Variants in DOCK9 observed in about 807,000 individuals in gnomAD.
The protein encoded by DOCK9 is dedicator of cytokinesis protein 9.
A neutral mutation model predicts 263.3 loss-of-function variants in DOCK9; 89 were observed. That is an observed-to-expected ratio of 0.34 (90% CI 0.28 to 0.40). The LOEUF (loss-of-function observed/expected upper bound fraction) is 0.40. Ranked by LOEUF, DOCK9 falls within the 10% of genes least tolerant of loss-of-function variation. The pLI, the probability that DOCK9 is intolerant of heterozygous loss-of-function variation, is 1.00. For missense variants in DOCK9, 2,140 were observed against 2,603.4 expected (o/e 0.82, Z 3.87); for synonymous variants, 976 against 973.1 (o/e 1.00, Z -0.06).
rs200841453 is a variant in DOCK9 at position 99,068,671 on chromosome 13, TA to T, written c.129+17551del. On this transcript the variant is annotated intron_variant, in intron 1 of 32. Transcript: ENST00000427887. ...AGTTAAGCACATACATCCTTCAGTT[TA>T]AAAAAAAAAAATCATTTAACAGCAG... 9.0e-3 allele frequency among the ~76,000 whole-genome samples: 1,326 copies of T among 146,674 alleles called. 22 individuals are homozygous for T. Among genetic ancestry groups the T allele is most frequent in the South Asian group, 0.051 (236 of 4,662 alleles).
intron 33 of DOCK9, chr13:98,859,524 ATAATCTCAG>A (rs1255254658): frequency 6.6e-6 from 1 of 152,172 alleles, no homozygotes; most frequent in African/African-American, 2.4e-5. Flanking sequence ...AGGTAAAGAC[ATAATCTCAG>A]AGTGGGCAAG....
chr13:98,866,071 G>A (rs903880333), intron 30 of DOCK9, among the ~76,000 whole-genome samples: 1 of 152,094 alleles, frequency 6.6e-6, no homozygotes, highest in Non-Finnish European at 1.5e-5. Flanking sequence ...CCAGATATGC[G>A]GGTGCTTGGC....
At chr13:98,834,534 T>C (rs947652231) in intron 39 of DOCK9, 8 of 152,218 alleles carry the variant, frequency 5.3e-5, no homozygotes, top group African/African-American at 1.9e-4. Context: ...TAGTCCTCAC[T>C]GTGCAGTTCA....
chr13:98,840,955 A>G lies in DOCK9; in HGVS notation c.4199-3346T>C, dbSNP rs868002024. On this transcript the variant is annotated intron_variant, in intron 38 of 52. Coordinates refer to ENST00000682017, the MANE Select transcript of DOCK9 (RefSeq NM_001366683.2). ...ATGTAGAAGACCTAGTCTCCTAGAT[A>G]CCTATTAACTCATGGCATATGGTTT... 2.0e-5 allele frequency among the ~76,000 whole-genome samples: 3 copies of G among 152,362 alleles called. No homozygotes were observed. In the South Asian group the frequency reaches 6.2e-4, roughly 32 times the overall value.
rs149096822 is a variant in DOCK9 at position 98,933,438 on chromosome 13, T to C, written c.244-3181A>G. 3.5e-3 allele frequency among the ~76,000 whole-genome samples: 537 copies of C among 152,338 alleles called. 2 individuals carry two copies. Among genetic ancestry groups the C allele is most frequent in the African/African-American group, 0.012 (509 of 41,570 alleles). On this transcript the variant is annotated intron_variant, in intron 2 of 52. Coordinates refer to ENST00000682017, the MANE Select transcript of DOCK9 (RefSeq NM_001366683.2). ...TGAATTTTTTTTTCCTTCATGTATG[T>C]TCCACAGGAGGAGAGAAACCTGAGT...
At chr13:99,049,000 TG>T (rs2040561356) in intron 1 of DOCK9, among the ~76,000 whole-genome samples, 1 of 152,226 alleles carries the variant, frequency 6.6e-6, no homozygotes, top group Admixed American at 6.5e-5. Context: ...TTTAATTTTT[TG>T]TTTGGTTATT....
chr13:98,837,606 T>C lies in DOCK9; in HGVS notation c.4202A>G (p.Tyr1401Cys), dbSNP rs1336238089. Residue 1401 changes from tyrosine to cysteine, a missense_variant, in exon 39 of 53, where the codon TAT becomes TGT. Tyr to Cys is a radical substitution (Grantham distance 194). Around this residue, in one of 2 missense-constraint regions of DOCK9, gnomAD observed 1,521 missense variants for 1,741.7 expected, o/e 0.87. Coordinates refer to ENST00000682017, the MANE Select transcript of DOCK9 (RefSeq NM_001366683.2). ...LDNSLTFNHS[Y>C]GHSDADVLHQ... ...CAGAACATCTGCGTCCGAGTGGCCA[T>C]AGCCTGCATGAATTACAACACAAGA... 9 of 1,610,662 alleles carry C rather than the reference T, an allele frequency of 5.6e-6. No individual in the cohort carries two copies. Among genetic ancestry groups the C allele is most frequent in the East Asian group, 4.5e-5 (2 of 44,808 alleles).
intron 47 of DOCK9, among the ~76,000 whole-genome samples, chr13:98,808,829 C>G (rs1300335074): frequency 6.6e-6 from 1 of 152,070 alleles, no homozygotes; most frequent in African/African-American, 2.4e-5. Flanking sequence ...TAGATAAACC[C>G]TTTCCTATAG....
chr13:98,886,301 G>T (rs559828980), intron 19 of DOCK9, among the ~76,000 whole-genome samples: 2 of 152,256 alleles, frequency 1.3e-5, no homozygotes, highest in African/African-American at 4.8e-5. Context: ...GTGGGATTAT[G>T]ACTTTTTCTT....
intron 1 of DOCK9, among the ~76,000 whole-genome samples, chr13:99,078,043 G>C (rs910405808): frequency 2.0e-5 from 3 of 152,128 alleles, no homozygotes; most frequent in African/African-American, 7.2e-5. Flanking sequence ...GTGATGAAAT[G>C]ACACTCCCCA....
intron 2 of DOCK9, among the ~76,000 whole-genome samples, chr13:98,940,432 T>A (rs1253706163): frequency 6.6e-6 from 1 of 152,162 alleles, no homozygotes; most frequent in Admixed American, 6.5e-5. Context: ...AGGGTCTCGC[T>A]CTGTTGCCTA....
intron 1 of DOCK9, among the ~76,000 whole-genome samples, chr13:99,058,563 T>G (rs2041036359): frequency 6.6e-6 from 1 of 152,124 alleles, no homozygotes; most frequent in South Asian, 2.1e-4. Flanking sequence ...CAGGACCCCC[T>G]GCCCTAATGC....
chr13:99,017,354 A>G (rs930102655), intron 1 of DOCK9, among the ~76,000 whole-genome samples: 3 of 152,236 alleles, frequency 2.0e-5, no homozygotes, highest in Non-Finnish European at 2.9e-5. Context: ...CAGAAAATCT[A>G]CCAATTAACC....
Position 98,868,340 on chromosome 13 carries a change from T to C in DOCK9, c.2981A>G (p.His994Arg). The change falls in exon 28 of 53, where the codon CAT (histidine) becomes CGT (arginine). Residue 994 changes from histidine to arginine, a missense_variant. Around this residue, in one of 2 missense-constraint regions of DOCK9, gnomAD observed 1,521 missense variants for 1,741.7 expected, o/e 0.87. Transcript: ENST00000682017. ...CATATTTACAACGGTTTCCACTGCA[T>C]GATGATAGGATGCAGGAAATCTCTG... ...RNQRFPASYH[H>R]AVETVVNMLM... The C allele has an allele frequency of 6.2e-7, 1 of 1,613,716 alleles. No homozygotes were observed. The highest frequency in any genetic ancestry group is 8.5e-7 in the Non-Finnish European group (1 of 1,179,796).
chr13:98,985,658 G>A (rs1006321947), intron 1 of DOCK9, among the ~76,000 whole-genome samples: 2 of 152,206 alleles, frequency 1.3e-5, no homozygotes, highest in Non-Finnish European at 2.9e-5. Flanking sequence ...TTTTAGAGAT[G>A]GAAACTTACA....
chr13:98,998,618 A>G (rs992991653), intron 1 of DOCK9, among the ~76,000 whole-genome samples: 2 of 151,954 alleles, frequency 1.3e-5, no homozygotes, highest in African/African-American at 4.8e-5. Flanking sequence ...TACCCTACCC[A>G]CCTGGCCTCT....
At chr13:99,045,949 A>C (rs1048677852) in intron 1 of DOCK9, among the ~76,000 whole-genome samples, 1 of 151,834 alleles carries the variant, frequency 6.6e-6, no homozygotes, top group Non-Finnish European at 1.5e-5. Flanking sequence ...AAAAAAAAAA[A>C]AATTAGCCGG....
chr13:98,810,489 G>T (rs2091207460), intron 45 of DOCK9, among the ~76,000 whole-genome samples, 198 bp from the exon 46 acceptor site: 1 of 151,958 alleles, frequency 6.6e-6, no homozygotes, highest in Non-Finnish European at 1.5e-5. Context: ...TCTTTTTTAG[G>T]GAGCCATTTT....
intron 1 of DOCK9, among the ~76,000 whole-genome samples, chr13:99,000,088 C>A (rs747604129): frequency 6.6e-5 from 10 of 152,170 alleles, no homozygotes; most frequent in Non-Finnish European, 1.2e-4. Flanking sequence ...CTACCTGACC[C>A]CCTAAATCAG....
Sources: allele counts gnomAD v4.1 joint callset (sites outside exome capture counted in the v4.1 genomes callset), GRCh38; gene constraint gnomAD v4.1.1; regional missense constraint gnomAD v4.1.1; transcripts MANE v1.5; gene names NCBI Gene and HGNC (gene_info 2026-07-23, HGNC 2026-07-21).